The following NRG3 variants were observed in gnomAD, a reference collection of about 807,000 sequenced individuals.
The protein encoded by NRG3 is pro-neuregulin-3, membrane-bound isoform.
In NRG3, 31 loss-of-function variants were observed where a neutral mutation model predicts 66.9. That is an observed-to-expected ratio of 0.46 (90% confidence interval 0.35 to 0.63). The LOEUF (loss-of-function observed/expected upper bound fraction) is 0.63. NRG3 is among the 20% of genes least tolerant of loss of function. The pLI, the probability that NRG3 is intolerant of heterozygous loss-of-function variation, is 0.00. For synonymous variants in NRG3, 393 were observed against 359.4 expected (o/e 1.09, Z -1.06); for missense variants, 910 against 878.9 (o/e 1.04, Z -0.45).
chr10:82,296,317 A>C (rs113276732), intron 1 of NRG3, among the ~76,000 whole-genome samples: 5 of 152,112 alleles, frequency 3.3e-5, no homozygotes, highest in African/African-American at 1.2e-4. Flanking sequence ...AGAGTGGGTG[A>C]AGTGACATGA....
At chr10:82,480,354 A>G (rs977874451) in intron 2 of NRG3, among the ~76,000 whole-genome samples, 2 of 152,214 alleles carry the variant, frequency 1.3e-5, no homozygotes, top group Admixed American at 1.3e-4. Context: ...TGTTTAAGCT[A>G]TAGTAATTAC....
At chr10:82,297,967 C>A (rs1418367890) in intron 1 of NRG3, among the ~76,000 whole-genome samples, 1 of 151,968 alleles carries the variant, frequency 6.6e-6, no homozygotes, top group Non-Finnish European at 1.5e-5. Context: ...CATGGCAAAA[C>A]CTTGTCTCTA....
chr10:82,798,595 C>T (rs1194489405), intron 3 of NRG3, among the ~76,000 whole-genome samples: 5 of 152,090 alleles, frequency 3.3e-5, no homozygotes, highest in African/African-American at 1.2e-4. Flanking sequence ...AGGAAAAAAG[C>T]GTGAGTATGA....
chr10:82,360,109 C>T (rs753284842), intron 2 of NRG3, among the ~76,000 whole-genome samples: 16 of 152,224 alleles, frequency 1.1e-4, no homozygotes, highest in Non-Finnish European at 1.9e-4. Flanking sequence ...TTGGCAGTGC[C>T]GCTGCATTCA....
chr10:82,948,183 A>T (rs547245874), intron 4 of NRG3, among the ~76,000 whole-genome samples: 1 of 152,046 alleles, frequency 6.6e-6, no homozygotes, highest in South Asian at 2.1e-4. Context: ...TTCTTTCACC[A>T]TTGAATTATG....
At chr10:82,930,614 A>G (rs1289397051) in intron 4 of NRG3, among the ~76,000 whole-genome samples, 1 of 152,252 alleles carries the variant, frequency 6.6e-6, no homozygotes, top group Non-Finnish European at 1.5e-5. Flanking sequence ...GTGCCAGTTT[A>G]GAGTTCAGTC....
chr10:82,150,530 C>CAAAAAA (rs1188955647), intron 1 of NRG3, among the ~76,000 whole-genome samples: 2 of 26,670 alleles, frequency 7.5e-5, no homozygotes, highest in Non-Finnish European at 1.5e-4. Context: ...AGAGCACACA[C>CAAAAAA]AAAAAAAAAA....
rs1400502199 is a variant in NRG3, at chr10:82,730,277, G to A, written c.954-8300G>A. On this transcript the variant is annotated intron_variant, in intron 2 of 8. Coordinates refer to ENST00000372141, the MANE Select transcript of NRG3 (RefSeq NM_001010848.4). Reference sequence around the variant, plus strand: ...TTTTTTGTATTTTTAGTAGAGACAGGGTTTAACTGTGTTAGCCAGGATGGT... The same window carrying A: ...TTTTTTGTATTTTTAGTAGAGACAGAGTTTAACTGTGTTAGCCAGGATGGT... Among the ~76,000 whole-genome samples, 4 of 151,638 alleles carry A rather than the reference G, an allele frequency of 2.6e-5. No individual in the cohort carries two copies. The South Asian group carries it at 8.3e-4, about 32-fold the overall frequency.
chr10:82,978,648 C>T (rs1852531592), intron 7 of NRG3, among the ~76,000 whole-genome samples: 1 of 152,074 alleles, frequency 6.6e-6, no homozygotes, highest in African/African-American at 2.4e-5. Context: ...CTTGAGAATT[C>T]CTTAAGTTCA....
At chr10:82,970,183 G>T (rs1419479545) in intron 6 of NRG3, among the ~76,000 whole-genome samples, 1 of 152,080 alleles carries the variant, frequency 6.6e-6, no homozygotes, top group Non-Finnish European at 1.5e-5. Flanking sequence ...TAATATTTTG[G>T]ATCAAAGAGT....
intron 2 of NRG3, among the ~76,000 whole-genome samples, chr10:82,617,307 CACACACGCACACATAG>C (rs1450044083): frequency 6.7e-6 from 1 of 150,222 alleles, no homozygotes; most frequent in Non-Finnish European, 1.5e-5. Flanking sequence ...ACACACACCA[CACACACGCACACATAG>C]ACACACACAC....
At chr10:82,631,709 G>T (rs971127676) in intron 2 of NRG3, among the ~76,000 whole-genome samples, 2 of 151,700 alleles carry the variant, frequency 1.3e-5, no homozygotes, top group Admixed American at 1.3e-4. Flanking sequence ...CTCTGATAGG[G>T]TTCACGTGTC....
chr10:82,697,557 T>A (rs540767271), intron 2 of NRG3, among the ~76,000 whole-genome samples: 3 of 152,264 alleles, frequency 2.0e-5, no homozygotes, highest in Non-Finnish European at 2.9e-5. Context: ...ACGTCCAATT[T>A]TATGTCAGTA....
intron 1 of NRG3, among the ~76,000 whole-genome samples, chr10:81,893,908 T>A (rs1442098773): frequency 6.6e-6 from 1 of 152,108 alleles, no homozygotes; most frequent in Non-Finnish European, 1.5e-5. Flanking sequence ...ACAAAAGATT[T>A]TTTTCCTGAA....
chr10:82,970,119 T>G (rs1276780914), intron 6 of NRG3, among the ~76,000 whole-genome samples: 1 of 152,238 alleles, frequency 6.6e-6, no homozygotes, highest in Non-Finnish European at 1.5e-5. Context: ...CCCTGGAAAT[T>G]ATTATTTTGA....
chr10:82,156,256 A>AT (rs143331059), intron 1 of NRG3, among the ~76,000 whole-genome samples: 9,786 of 149,204 alleles, frequency 0.066, 1,074 homozygotes, highest in African/African-American at 0.23. Context: ...ATTTTCATTT[A>AT]TTTTTTTTTT....
At chr10:82,746,627 G>A (rs1216984875) in intron 3 of NRG3, among the ~76,000 whole-genome samples, 2 of 152,154 alleles carry the variant, frequency 1.3e-5, no homozygotes, top group African/African-American at 4.8e-5. Flanking sequence ...AAGTGTTATG[G>A]AATGGTTCTA....
chr10:82,922,798 T>C (rs576996349), intron 4 of NRG3, among the ~76,000 whole-genome samples: 1 of 152,316 alleles, frequency 6.6e-6, no homozygotes, highest in South Asian at 2.1e-4. Flanking sequence ...AAACTCAACA[T>C]AGCCAAGTTG....
At chr10:82,862,192 A>G (rs1265874707) in intron 3 of NRG3, among the ~76,000 whole-genome samples, 1 of 152,116 alleles carries the variant, frequency 6.6e-6, no homozygotes, top group African/African-American at 2.4e-5. Context: ...ATACCAACAG[A>G]CTGTTAGATG....
Sources: allele counts gnomAD v4.1 joint callset (sites outside exome capture counted in the v4.1 genomes callset), GRCh38; gene constraint gnomAD v4.1.1; transcripts MANE v1.5; gene names NCBI Gene and HGNC (gene_info 2026-07-23, HGNC 2026-07-21).